MYOT: variants seen among roughly 807,000 people sequenced by gnomAD.
MYOT encodes the protein myotilin, also known as 57 kDa cytoskeletal protein.
MYOT carries 36 observed loss-of-function variants against 58.0 expected under a neutral mutation model. That is an observed-to-expected ratio of 0.62 (90% confidence interval 0.48 to 0.82). The LOEUF (loss-of-function observed/expected upper bound fraction) is 0.82, where lower values mean the gene tolerates loss of function less well. Among genes scored for constraint, MYOT ranks in the 40% least tolerant of loss-of-function variants. MYOT has a pLI of 0.00. For missense variants in MYOT, 505 were observed against 592.1 expected (o/e 0.85, Z 1.53); for synonymous variants, 218 against 204.6 (o/e 1.07, Z -0.56).
chr5:137,878,160 T>C (rs1413332311), intron 4 of MYOT, among the ~76,000 whole-genome samples: 1 of 151,980 alleles, frequency 6.6e-6, no homozygotes, highest in East Asian at 1.9e-4. Flanking sequence ...ATGTATCCTT[T>C]CCAAGAAGGG....
chr5:137,871,350 G>A (rs1239931765), intron 2 of MYOT, among the ~76,000 whole-genome samples: 1 of 152,164 alleles, frequency 6.6e-6, no homozygotes, highest in East Asian at 1.9e-4. Flanking sequence ...TCCTCATGCT[G>A]TAAATTTAAT....
intron 8 of MYOT, chr5:137,886,594 C>T (rs1034273578): frequency 3.5e-5 from 17 of 487,328 alleles, no homozygotes; most frequent in South Asian, 9.6e-5. Context: ...GGTCAGGACC[C>T]CTCCATTCCC....
At chr5:137,879,688 CTTTT>C (rs1187720466) in intron 4 of MYOT, among the ~76,000 whole-genome samples, 3 of 94,510 alleles carry the variant, frequency 3.2e-5, no homozygotes, top group African/African-American at 4.7e-5. Flanking sequence ...CCACACCCGG[CTTTT>C]TTTTTTTTTT....
intron 4 of MYOT, among the ~76,000 whole-genome samples, chr5:137,878,360 G>C (rs1010485952): frequency 6.6e-6 from 1 of 151,956 alleles, no homozygotes; most frequent in African/African-American, 2.4e-5. Flanking sequence ...TGGGATTACA[G>C]GCGCACACCA....
intron 5 of MYOT, 120 bp downstream of exon 5, chr5:137,880,985 T>C: frequency 1.4e-6 from 1 of 738,128 alleles, no homozygotes; most frequent in Non-Finnish European, 2.2e-6. Context: ...ATACAATGTG[T>C]ATTTTCTAAT....
In MYOT at chr5:137,880,476, A is replaced by G. The variant is rs144670768; in HGVS notation, c.634-340A>G. On this transcript the variant is annotated intron_variant, in intron 4 of 9. Transcript: ENST00000239926. ...GTCTATTCCTGTTTTACTAAAGGAC[A>G]ATCTGTACTCTGTGCTCCCATTTCA... The G allele has an allele frequency of 4.6e-5, 11 of 240,296 alleles. No homozygotes were observed. The East Asian group carries it at 1.1e-3, about 25-fold the overall frequency. The allele number at this position is 240,296 out of a possible 1,614,324, so 14.9% of individuals were successfully genotyped here.
At chr5:137,883,703 T>TACA in intron 7 of MYOT, 112 bp downstream of exon 7, 1 of 940,840 alleles carries the variant, frequency 1.1e-6, no homozygotes, top group Admixed American at 2.1e-5. Flanking sequence ...TTAATGTCTA[T>TACA]ACAACCTATT....
chr5:137,876,874 A>C (rs559399303), intron 3 of MYOT, among the ~76,000 whole-genome samples: 11 of 152,242 alleles, frequency 7.2e-5, no homozygotes, highest in African/African-American at 2.4e-4. Context: ...ATATTCAAAA[A>C]CAAAGCTGAC....
intron 2 of MYOT, among the ~76,000 whole-genome samples, chr5:137,871,582 A>T (rs904503999): frequency 1.1e-4 from 16 of 152,230 alleles, no homozygotes; most frequent in Non-Finnish European, 2.2e-4. Context: ...CCTTACTGTG[A>T]TCAGAAGAAG....
At position 137,886,130 on chromosome 5, in the gene MYOT, A is replaced by G; in HGVS notation, c.1107A>G (p.Glu369=). 1.2e-6 allele frequency: 2 copies of G among 1,612,028 alleles called. No individual in the cohort carries two copies. Among genetic ancestry groups the G allele is most frequent in the Non-Finnish European group, 1.7e-6 (2 of 1,178,326 alleles). The change falls in exon 8 of 10, where the codon GAA becomes GAG. Residue 369 remains glutamate, a synonymous_variant. Transcript: ENST00000239926. The part of the protein sequence containing the change: ...KVLEGDSVKL[E]CQISAIPPPK... Reference sequence around the variant, plus strand: ...TAGAGGGAGATTCAGTGAAACTAGAATGCCAGATCTCGGCTATACCTCCAC... The same window carrying G: ...TAGAGGGAGATTCAGTGAAACTAGAGTGCCAGATCTCGGCTATACCTCCAC...
chr5:137,880,838 G>T lies in MYOT; in HGVS notation c.656G>T (p.Arg219Leu). ...DSQQHNSEHARLQVPTSQVRS... is the reference protein window; with the variant it reads ...DSQQHNSEHALLQVPTSQVRS... ...AAGCAACACAACTCAGAACATGCGC[G>T]ACTGCAAGTTCCTACATCACAAGTA... Residue 219 changes from arginine (R) to leucine (L), a missense_variant, in exon 5 of 10, where the codon CGA (arginine) becomes CTA (leucine). Arg to Leu is a moderately radical substitution (Grantham distance 102). Transcript: ENST00000239926. 4 of 1,612,328 alleles carry T rather than the reference G, an allele frequency of 2.5e-6. No homozygotes were observed. In the South Asian group the frequency reaches 3.3e-5, roughly 13 times the overall value.
intron 2 of MYOT, 73 bp from the exon 3 acceptor site, chr5:137,875,756 C>A: frequency 7.0e-7 from 1 of 1,421,152 alleles, no homozygotes; most frequent in Non-Finnish European, 9.9e-7. Flanking sequence ...GTAAACTCAA[C>A]ATATCTAAAG....
intron 2 of MYOT, among the ~76,000 whole-genome samples, chr5:137,875,181 C>T (rs999565837): frequency 6.6e-6 from 1 of 152,138 alleles, no homozygotes; most frequent in Non-Finnish European, 1.5e-5. Context: ...AACAAAATTA[C>T]GTCCTTTGCA....
In MYOT at chr5:137,875,596, A is replaced by G. The variant is rs565402559; in HGVS notation, c.357-233A>G. Among the ~76,000 whole-genome samples the G allele has an allele frequency of 2.1e-3, 318 of 152,318 alleles. 1 individual carries two copies. The highest frequency in any genetic ancestry group is 7.4e-3 in the African/African-American group (309 of 41,574). ...TTAGGGAATATCTTCAAGGAAGGAC[A>G]TCCTCCTTATGTCTAATCTAAATTC... On this transcript the variant is annotated intron_variant, in intron 2 of 9. Coordinates refer to ENST00000239926, the MANE Select transcript of MYOT (RefSeq NM_006790.3).
chr5:137,875,774 G>T (rs1364947235), intron 2 of MYOT, 55 bp from the exon 3 acceptor site: 4 of 1,569,512 alleles, frequency 2.5e-6, no homozygotes, highest in Non-Finnish European at 2.6e-6. Flanking sequence ...AAGGTAATTT[G>T]CAAAATGAGG....
At chr5:137,872,320 T>C (rs1041428725) in intron 2 of MYOT, among the ~76,000 whole-genome samples, 4 of 152,208 alleles carry the variant, frequency 2.6e-5, no homozygotes, top group African/African-American at 9.6e-5. Context: ...CAGATGATCA[T>C]TTTCCATCTA....
intron 6 of MYOT, chr5:137,883,129 A>T: frequency 2.2e-6 from 1 of 445,498 alleles, no homozygotes. Flanking sequence ...TATAGAAATT[A>T]AGAGTTCATA....
At position 137,875,883 on chromosome 5, in the gene MYOT, A is replaced by C; in HGVS notation, c.411A>C (p.Ala137=). 6.2e-7 allele frequency: 1 copy of C among 1,614,118 alleles called. No homozygotes were observed. Among genetic ancestry groups the C allele is most frequent in the Non-Finnish European group, 8.5e-7 (1 of 1,179,978 alleles). The change falls in exon 3 of 10, where the codon GCA becomes GCC. Residue 137 remains alanine, a synonymous_variant. Coordinates refer to ENST00000239926, the MANE Select transcript of MYOT (RefSeq NM_006790.3). ...TAAATGCAAAGCCATCCCAAACTGC[A>C]AATGCTAAGCCCATACCAAGAACTC... is the stretch of plus-strand genomic sequence containing the variant. ...QPINAKPSQT[A]NAKPIPRTPD...
At chr5:137,880,449 A>G (rs990365567) in intron 4 of MYOT, among the ~76,000 whole-genome samples, 1 of 152,190 alleles carries the variant, frequency 6.6e-6, no homozygotes, top group Admixed American at 6.5e-5. Context: ...AAGTGACTTC[A>G]TGTCTATTCC....
Sources: gnomAD v4.1 joint callset for allele counts (sites outside exome capture counted in the v4.1 genomes callset) on GRCh38, gnomAD v4.1.1 for gene constraint, MANE v1.5 for transcripts, NCBI Gene and HGNC (gene_info 2026-07-23, HGNC 2026-07-21) for gene names.